CD81: variants seen among roughly 807,000 people sequenced by gnomAD.
CD81 encodes the protein CD81 antigen.
In CD81, 10 loss-of-function variants were observed where a neutral mutation model predicts 30.1. The ratio of observed to expected loss-of-function variants is 0.33; its 90% CI spans 0.21 to 0.56. CD81 has a LOEUF of 0.56. Ranked by LOEUF, CD81 falls within the 20% of genes least tolerant of loss-of-function variation. The pLI, the probability that CD81 is intolerant of heterozygous loss-of-function variation, is 0.89. For missense variants in CD81, 263 were observed against 308.7 expected, an observed-to-expected ratio of 0.85 and a Z score of 1.11; for synonymous variants, 147 against 126.4, an observed-to-expected ratio of 1.16 and a Z score of -1.10.
chr11:2,387,104 C>T (rs1195376264), intron 1 of CD81, among the ~76,000 whole-genome samples: 1 of 152,236 alleles, frequency 6.6e-6, no homozygotes, highest in African/African-American at 2.4e-5. Flanking sequence ...ATCATCCCCT[C>T]AGCGCCCAGG....
chr11:2,393,986 A>G (rs779682894), intron 2 of CD81, 109 bp from the exon 3 acceptor site: 16 of 820,878 alleles, frequency 1.9e-5, no homozygotes, highest in South Asian at 1.9e-4. Flanking sequence ...CAGCAACCCT[A>G]CATCTTCCCA....
intron 3 of CD81, 97 bp downstream of exon 3, chr11:2,394,289 C>T (rs1849958416): frequency 1.3e-6 from 1 of 792,702 alleles, no homozygotes; most frequent in South Asian, 1.5e-5. Context: ...AGGGCGGAGC[C>T]TAGAATTCTG....
chr11:2,380,073 G>A (rs1196821333), intron 1 of CD81, among the ~76,000 whole-genome samples: 1 of 152,188 alleles, frequency 6.6e-6, no homozygotes, highest in Non-Finnish European at 1.5e-5. Context: ...TTGCTGACAT[G>A]CCTGAGTGTT....
At chr11:2,385,777 G>A (rs1278358945) in intron 1 of CD81, 4 of 582,578 alleles carry the variant, frequency 6.9e-6, no homozygotes, top group Admixed American at 2.2e-5. Context: ...GTGCAAGCCA[G>A]CGACGGACCC....
At chr11:2,385,149 G>T (rs1849769453) in intron 1 of CD81, among the ~76,000 whole-genome samples, 1 of 152,184 alleles carries the variant, frequency 6.6e-6, no homozygotes, top group African/African-American at 2.4e-5. Flanking sequence ...AAGAAACACT[G>T]GCCCCGGGGA....
In CD81 at chr11:2,390,510, C is replaced by G. The variant is rs755464018; in HGVS notation, c.165C>G (p.Pro55=). 26 of 1,612,184 alleles carry G rather than the reference C, an allele frequency of 1.6e-5. No individual in the cohort carries two copies. The South Asian group carries it at 2.5e-4, about 16-fold the overall frequency. Reference sequence around the variant, plus strand: ...TGGAGCTGGGAGACAAGCCCGCGCCCAACACCTTCTATGTAGGTGAGTGCA... The same window carrying G: ...TGGAGCTGGGAGACAAGCCCGCGCCGAACACCTTCTATGTAGGTGAGTGCA... ...LYLELGDKPA[P]NTFYVGIYIL... is the part of the protein sequence containing the mutation. The change falls in exon 2 of 8, where the codon CCC becomes CCG. Residue 55 remains proline, a synonymous_variant. Coordinates refer to ENST00000263645, the MANE Select transcript of CD81 (RefSeq NM_004356.4).
chr11:2,386,015 G>A (rs746265974), intron 1 of CD81: 19 of 715,364 alleles, frequency 2.7e-5, no homozygotes, highest in South Asian at 1.6e-4. Flanking sequence ...TGGCTGGACC[G>A]TTTTACAGCC....
chr11:2,390,187 C>G (rs1849872551), intron 1 of CD81: 1 of 634,654 alleles, frequency 1.6e-6, no homozygotes, highest in South Asian at 1.7e-5. Flanking sequence ...TCCACAGGTG[C>G]AGGGCAGGGC....
At chr11:2,381,751 T>G (rs1159513253) in intron 1 of CD81, among the ~76,000 whole-genome samples, 11 of 152,220 alleles carry the variant, frequency 7.2e-5, no homozygotes, top group Non-Finnish European at 1.6e-4. Flanking sequence ...CTGGGCGTGC[T>G]ATGGGTGCTG....
At chr11:2,384,951 C>T (rs1372810642) in intron 1 of CD81, among the ~76,000 whole-genome samples, 1 of 152,110 alleles carries the variant, frequency 6.6e-6, no homozygotes, top group African/African-American at 2.4e-5. Flanking sequence ...ACCGTGAAAG[C>T]GGGACTCTCT....
chr11:2,391,062 C>T, intron 2 of CD81: 1 of 225,720 alleles, frequency 4.4e-6, no homozygotes. Context: ...GCCCTCCCTG[C>T]CCCCAGGAGC....
chr11:2,390,881 C>T (rs370672370), intron 2 of CD81, among the ~76,000 whole-genome samples: 1 of 147,582 alleles, frequency 6.8e-6, no homozygotes, highest in East Asian at 2.1e-4. Context: ...GCTGTGGAGC[C>T]CGGGAGGGAG....
At chr11:2,394,059 G>T in intron 2 of CD81, 36 bp from the exon 3 acceptor site, 1 of 1,516,910 alleles carries the variant, frequency 6.6e-7, no homozygotes, top group East Asian at 2.3e-5. Context: ...TGTGGCGAGT[G>T]TGTAGGCACC....
intron 1 of CD81, among the ~76,000 whole-genome samples, chr11:2,387,577 C>G (rs571986493): frequency 6.6e-6 from 1 of 152,158 alleles, no homozygotes; most frequent in East Asian, 1.9e-4. Flanking sequence ...CCTGCACTGT[C>G]CACGGCCCTC....
At chr11:2,383,105 G>A (rs1849730413) in intron 1 of CD81, among the ~76,000 whole-genome samples, 1 of 152,218 alleles carries the variant, frequency 6.6e-6, no homozygotes, top group Admixed American at 6.5e-5. Context: ...CAGAGGGCCA[G>A]CATCCTCGCC....
intron 6 of CD81, 83 bp from the exon 7 acceptor site, chr11:2,396,545 G>A (rs1589854760): frequency 1.7e-6 from 2 of 1,189,898 alleles, no homozygotes; most frequent in African/African-American, 1.5e-5. Flanking sequence ...GCTTTCTGTG[G>A]TGACCACGGA....
chr11:2,388,539 C>G (rs1317058978), intron 1 of CD81, among the ~76,000 whole-genome samples: 1 of 152,240 alleles, frequency 6.6e-6, no homozygotes, highest in African/African-American at 2.4e-5. Context: ...CCCTCAGTTT[C>G]TCTTCTGCAG....
Position 2,394,090 on chromosome 11 carries a change from G to T in CD81, c.182-5G>T. 6.2e-7 allele frequency: 1 copy of T among 1,610,496 alleles called. No homozygotes were observed. The highest frequency in any genetic ancestry group is 1.1e-5 in the South Asian group (1 of 91,034). ...GCACCCACCTGGTGTCTCTCTCCCC[G>T]CAAGGCATCTACATCCTCATCGCTG... On this transcript the variant is annotated splice_polypyrimidine_tract_variant and splice_region_variant and intron_variant, in intron 2 of 7. Coordinates refer to ENST00000263645, the MANE Select transcript of CD81 (RefSeq NM_004356.4).
chr11:2,376,240 T>A (rs1849584162), upstream of CD81: 5 of 152,330 alleles, frequency 3.3e-5, 1 homozygote, highest in South Asian at 1.0e-3. Context: ...GTTATCCAGG[T>A]ACAGAACATT....
Sources: allele counts gnomAD v4.1 joint callset (sites outside exome capture counted in the v4.1 genomes callset), GRCh38; gene constraint gnomAD v4.1.1; transcripts MANE v1.5; gene names NCBI Gene and HGNC (gene_info 2026-07-23, HGNC 2026-07-21).